FANCB: variants seen among roughly 807,000 people sequenced by gnomAD.
The protein encoded by FANCB is FA complementation group B, also known as Fanconi anemia group B protein.
FANCB carries 5 observed loss-of-function variants against 38.9 expected under a neutral mutation model. That is an observed-to-expected ratio of 0.13 (90% CI 0.07 to 0.27). FANCB has a LOEUF of 0.27. Ranked by LOEUF, FANCB falls within the 10% of genes least tolerant of loss-of-function variation. The pLI, the probability that FANCB is intolerant of heterozygous loss-of-function variation, is 1.00. For missense variants in FANCB, 573 were observed against 602.7 expected (o/e 0.95, Z 0.52); for synonymous variants, 236 against 215.4 (o/e 1.10, Z -0.84).
chrX:14,866,670 TA>T (rs894765638), intron 2 of FANCB, among the ~76,000 whole-genome samples: 3 of 111,556 alleles, frequency 2.7e-5, no homozygotes, highest in Admixed American at 9.5e-5. Flanking sequence ...AACACATGTA[TA>T]AAAAAAAGTT....
At chrX:14,758,146 A>G in the FANCB span, among the ~76,000 whole-genome samples, 1 of 110,933 alleles carries the variant, frequency 9.0e-6, no homozygotes, top group African/African-American at 3.3e-5. Context: ...AGGCACCCAC[A>G]GTGCCCCCGG....
chrX:14,843,494 T>C lies in FANCB; in HGVS notation c.*73A>G. On this transcript the variant is annotated 3_prime_UTR_variant, in exon 10 of 10. Coordinates refer to ENST00000650831, the MANE Select transcript of FANCB (RefSeq NM_001018113.3). ...GGTGTTTATTTTTACAAAGGAGGCATATAGCAAGTAGAACCAAAATCTTAT... is the reference window on the plus strand; with the variant it reads ...GGTGTTTATTTTTACAAAGGAGGCACATAGCAAGTAGAACCAAAATCTTAT... 1.4e-6 allele frequency: 1 copy of C among 718,813 alleles called. No homozygotes were observed. Among genetic ancestry groups the C allele is most frequent in the East Asian group, 3.5e-5 (1 of 28,828 alleles). 59.2% of individuals were successfully genotyped at this position (718,813 alleles called of 1,213,427 possible). A position where few individuals can be genotyped will look rare whatever the true frequency, so the allele number is the denominator to read the frequency against.
rs143131218 is a variant in FANCB at position 14,843,695 on chromosome X, T to C, written c.2452A>G (p.Arg818Gly). 637 of 1,209,146 alleles carry C rather than the reference T, an allele frequency of 5.3e-4. No individual in the cohort carries two copies. The highest frequency in any genetic ancestry group is 6.8e-4 in the Non-Finnish European group (609 of 894,496). Residue 818 changes from arginine to glycine, a missense_variant, in exon 10 of 10, where the codon AGA (arginine) becomes GGA (glycine). By Grantham distance (125) the Arg-to-Gly change is moderately radical. Transcript: ENST00000650831. ...NIHPYRKELQ[R>G]EKKKMLQTNL... is the part of the protein sequence containing the mutation. Reference sequence around the variant, plus strand: ...GTTTGCAACATTTTCTTCTTTTCTCTCTGAAGTTCTTTTCTGTAGGGATGG... The same window carrying C: ...GTTTGCAACATTTTCTTCTTTTCTCCCTGAAGTTCTTTTCTGTAGGGATGG...
the FANCB span, among the ~76,000 whole-genome samples, chrX:14,777,351 T>C: frequency 8.9e-6 from 1 of 111,921 alleles, no homozygotes; most frequent in African/African-American, 3.3e-5. Flanking sequence ...TCAGGAGAGA[T>C]TGAAAATAGC....
At chrX:14,703,189 G>A in the FANCB span, among the ~76,000 whole-genome samples, 1 of 111,739 alleles carries the variant, frequency 8.9e-6, no homozygotes, top group African/African-American at 3.3e-5. Flanking sequence ...GAGATAACAG[G>A]TCTCAACCTA....
chrX:14,842,465 T>G (rs1019964134), downstream of FANCB, among the ~76,000 whole-genome samples: 1 of 112,165 alleles, frequency 8.9e-6, no homozygotes, highest in Non-Finnish European at 1.9e-5. Context: ...TTAAGGATTT[T>G]AGAGCAAAAA....
At chrX:14,726,247 A>C in the FANCB span, among the ~76,000 whole-genome samples, 1 of 112,026 alleles carries the variant, frequency 8.9e-6, no homozygotes, top group African/African-American at 3.2e-5. Context: ...CTAGAAAGGC[A>C]ATTAGTCATT....
intron 2 of FANCB, among the ~76,000 whole-genome samples, chrX:14,866,058 A>G (rs959200823): frequency 4.5e-5 from 5 of 111,853 alleles, no homozygotes; most frequent in African/African-American, 1.6e-4. Flanking sequence ...CCCACAGCCC[A>G]GGCAATTGGG....
At chrX:14,793,484 C>T in the FANCB span, among the ~76,000 whole-genome samples, 6 of 111,842 alleles carry the variant, frequency 5.4e-5, no homozygotes, top group Admixed American at 3.8e-4. Flanking sequence ...TACTTAAAAC[C>T]ATAGAATTGT....
At chrX:14,750,690 T>C in the FANCB span, among the ~76,000 whole-genome samples, 1 of 111,006 alleles carries the variant, frequency 9.0e-6, no homozygotes, top group East Asian at 2.9e-4. Flanking sequence ...AGAACACAGA[T>C]GTCTACTGTT....
chrX:14,728,285 C>T, the FANCB span, among the ~76,000 whole-genome samples: 1 of 110,814 alleles, frequency 9.0e-6, no homozygotes. Flanking sequence ...CCCAGCTACT[C>T]AGGGGTCTGA....
At chrX:14,746,998 C>T in the FANCB span, among the ~76,000 whole-genome samples, 2 of 111,737 alleles carry the variant, frequency 1.8e-5, no homozygotes, top group African/African-American at 6.5e-5. Flanking sequence ...GGTTTCTTTA[C>T]ATGTGGAGAG....
At chrX:14,816,809 G>C in the FANCB span, among the ~76,000 whole-genome samples, 1 of 111,981 alleles carries the variant, frequency 8.9e-6, no homozygotes, top group Non-Finnish European at 1.9e-5. Flanking sequence ...CCATATAGAG[G>C]TGGAGTAGAC....
At chrX:14,801,678 C>T in the FANCB span, among the ~76,000 whole-genome samples, 1 of 110,692 alleles carries the variant, frequency 9.0e-6, no homozygotes, top group Non-Finnish European at 1.9e-5. Context: ...ATCCTATATC[C>T]TTCTGGGGAT....
At chrX:14,722,497 C>A in the FANCB span, among the ~76,000 whole-genome samples, 1 of 111,210 alleles carries the variant, frequency 9.0e-6, no homozygotes, top group African/African-American at 3.3e-5. Context: ...TGATTAGGAG[C>A]AAGTCACAAG....
the FANCB span, among the ~76,000 whole-genome samples, chrX:14,768,739 G>A: frequency 4.8e-4 from 53 of 111,238 alleles, no homozygotes; most frequent in Middle Eastern, 9.3e-3. Context: ...GTTTTGTGCC[G>A]GTTCTCAAGG....
At chrX:14,689,755 A>G in the FANCB span, among the ~76,000 whole-genome samples, 1 of 112,349 alleles carries the variant, frequency 8.9e-6, no homozygotes, top group Non-Finnish European at 1.9e-5. Flanking sequence ...TTCAGATGGT[A>G]GTTTAATAAG....
chrX:14,792,721 T>G, the FANCB span, among the ~76,000 whole-genome samples: 1 of 111,859 alleles, frequency 8.9e-6, no homozygotes, highest in Non-Finnish European at 1.9e-5. Flanking sequence ...CACTTTCTCA[T>G]GTATATAGAA....
the FANCB span, among the ~76,000 whole-genome samples, chrX:14,733,417 G>A: frequency 8.9e-6 from 1 of 111,986 alleles, no homozygotes; most frequent in African/African-American, 3.2e-5. Context: ...AAAGTCATTG[G>A]TAGCTTGATG....
Sources: allele counts gnomAD v4.1 joint callset (sites outside exome capture counted in the v4.1 genomes callset), GRCh38; gene constraint gnomAD v4.1.1; transcripts MANE v1.5; gene names NCBI Gene and HGNC (gene_info 2026-07-23, HGNC 2026-07-21).